KIAA1671: variants seen among roughly 807,000 people sequenced by gnomAD.
The protein encoded by KIAA1671 is KIAA1671, also known as uncharacterized protein KIAA1671.
KIAA1671 carries 52 observed loss-of-function variants against 131.2 expected under a neutral mutation model. That is an observed-to-expected ratio of 0.40 (90% confidence interval 0.32 to 0.50). The LOEUF (loss-of-function observed/expected upper bound fraction) is 0.50, where lower values mean the gene tolerates loss of function less well. Among genes scored for constraint, KIAA1671 ranks in the 20% least tolerant of loss-of-function variants. The pLI is 0.73. For missense variants in KIAA1671, 2,360 were observed against 2,364.2 expected, an observed-to-expected ratio of 1.00 and a Z score of 0.04; for synonymous variants, 1,003 against 961.6, an observed-to-expected ratio of 1.04 and a Z score of -0.80.
In KIAA1671 at chr22:25,133,958, G is replaced by C. The variant is rs147613063; in HGVS notation, c.4531-36862G>C. ...GATGCAAAGATACTGGCCTGAGAGG[G>C]CCTTGAGATTCCACAAGGGGAACTT... On this transcript the variant is annotated intron_variant, in intron 6 of 12. Transcript: ENST00000358431. Among the ~76,000 whole-genome samples, 385 of 152,326 alleles carry C rather than the reference G, an allele frequency of 2.5e-3. 2 individuals are homozygous for C. Among genetic ancestry groups the C allele is most frequent in the African/African-American group, 8.3e-3 (346 of 41,568 alleles).
intron 6 of KIAA1671, among the ~76,000 whole-genome samples, chr22:25,096,366 A>G (rs934565035): frequency 2.6e-5 from 4 of 152,116 alleles, no homozygotes; most frequent in East Asian, 1.9e-4. Flanking sequence ...CTGTTCACCA[A>G]AGTAGCTGAG....
chr22:25,019,795 A>AT (rs907953340), intron 1 of KIAA1671, among the ~76,000 whole-genome samples: 32 of 152,148 alleles, frequency 2.1e-4, no homozygotes, highest in Admixed American at 4.6e-4. Flanking sequence ...GAGTTTCCCT[A>AT]TTATAGTTAA....
intron 3 of KIAA1671, among the ~76,000 whole-genome samples, chr22:25,031,533 T>C (rs1458418847): frequency 5.3e-5 from 8 of 152,244 alleles, no homozygotes; most frequent in African/African-American, 1.9e-4. Context: ...GGTTTCACCA[T>C]GTTAGTCAGG....
chr22:25,038,747 T>C lies in KIAA1671; in HGVS notation c.1630-13T>C. 6.6e-7 allele frequency: 1 copy of C among 1,517,688 alleles called. No homozygotes were observed. Among genetic ancestry groups the C allele is most frequent in the South Asian group, 1.2e-5 (1 of 81,682 alleles). 94.0% of individuals were successfully genotyped at this position (1,517,688 alleles called of 1,614,324 possible). ...ACACTGAGGTGTTTCTTTTTCTTTT[T>C]GTTTCTTTCCAGCAAAAGGAGGGGC... On this transcript the variant is annotated splice_polypyrimidine_tract_variant and intron_variant, in intron 4 of 12. Coordinates refer to ENST00000358431, the MANE Select transcript of KIAA1671 (RefSeq NM_001145206.2).
intron 6 of KIAA1671, among the ~76,000 whole-genome samples, chr22:25,096,944 T>C (rs191768704): frequency 3.3e-4 from 50 of 152,220 alleles, no homozygotes; most frequent in Non-Finnish European, 5.7e-4. Flanking sequence ...GAGGCACATA[T>C]CAATAACTCG....
Position 25,100,991 on chromosome 22 carries a change from A to T in KIAA1671, c.4530+51627A>T, listed in dbSNP as rs139695311. 6.9e-3 allele frequency among the ~76,000 whole-genome samples: 1,045 copies of T among 152,352 alleles called. 16 individuals carry two copies. The highest frequency in any genetic ancestry group is 0.024 in the African/African-American group (989 of 41,578). On this transcript the variant is annotated intron_variant, in intron 6 of 12. Coordinates refer to ENST00000358431, the MANE Select transcript of KIAA1671 (RefSeq NM_001145206.2). Reference sequence around the variant, plus strand: ...AGTAAAGCAAACTCACTGGTCAGAAATACATTGCTTAGGGGAGGTCATGTG... The same window carrying T: ...AGTAAAGCAAACTCACTGGTCAGAATTACATTGCTTAGGGGAGGTCATGTG...
intron 1 of KIAA1671, among the ~76,000 whole-genome samples, chr22:24,977,018 G>A (rs545697532): frequency 1.3e-5 from 2 of 152,266 alleles, no homozygotes; most frequent in South Asian, 4.1e-4. Context: ...CAGTTTCCCT[G>A]TCTGTGCAAT....
At position 25,135,376 on chromosome 22, in the gene KIAA1671, C is replaced by T. The variant is rs533802254; in HGVS notation, c.4531-35444C>T. On this transcript the variant is annotated intron_variant, in intron 6 of 12. Coordinates refer to ENST00000358431, the MANE Select transcript of KIAA1671 (RefSeq NM_001145206.2). ...AATTTTTTGTATTTTTTAGTAGAGA[C>T]GGGGTTTCACTGTGTTAGCCAGGAT... is the stretch of plus-strand genomic sequence containing the variant. Among the ~76,000 whole-genome samples the T allele has an allele frequency of 1.0e-3, 156 of 152,194 alleles. 1 individual carries two copies. Among genetic ancestry groups the T allele is most frequent in the African/African-American group, 3.5e-3 (146 of 41,538 alleles).
chr22:25,039,563 G>A lies in KIAA1671; in HGVS notation c.2433G>A (p.Pro811=), dbSNP rs1926801151. Residue 811 remains proline, a synonymous_variant, in exon 5 of 13, where the codon CCG becomes CCA. Transcript: ENST00000358431. The part of the protein sequence containing the change: ...EARGMPEASG[P]KFGGNCPFPK... ...GAGGCATGCCTGAGGCTAGTGGACC[G>A]AAGTTTGGGGGCAATTGCCCGTTTC... The A allele has an allele frequency of 3.2e-6, 5 of 1,551,772 alleles. No individual in the cohort carries two copies. The highest frequency in any genetic ancestry group is 4.4e-6 in the Non-Finnish European group (5 of 1,147,010).
chr22:25,001,634 A>G (rs1235881439), intron 1 of KIAA1671, among the ~76,000 whole-genome samples: 1 of 152,114 alleles, frequency 6.6e-6, no homozygotes, highest in Non-Finnish European at 1.5e-5. Flanking sequence ...GGCAGATTGA[A>G]TAGGATTAGA....
chr22:25,148,039 T>TC (rs1173227620), intron 6 of KIAA1671, among the ~76,000 whole-genome samples: 1 of 120,388 alleles, frequency 8.3e-6, no homozygotes, highest in Non-Finnish European at 1.6e-5. Context: ...CCTCTCTCCC[T>TC]CCCTCTCTCT....
chr22:25,071,669 T>C (rs1020691815), intron 6 of KIAA1671, among the ~76,000 whole-genome samples: 1 of 151,060 alleles, frequency 6.6e-6, no homozygotes, highest in African/African-American at 2.4e-5. Context: ...TGGCTGCGTG[T>C]TGGGCTCTGG....
chr22:24,983,829 A>T (rs771010221), intron 1 of KIAA1671, among the ~76,000 whole-genome samples: 31 of 136,730 alleles, frequency 2.3e-4, no homozygotes, highest in Non-Finnish European at 4.1e-4. Context: ...CCCAGGCTGG[A>T]GTGCAATGGT....
At chr22:25,180,910 A>G (rs1449199254) in intron 9 of KIAA1671, among the ~76,000 whole-genome samples, 1 of 152,140 alleles carries the variant, frequency 6.6e-6, no homozygotes, top group East Asian at 1.9e-4. Context: ...AAAGCACACA[A>G]ATACCCCCAG....
Position 25,041,136 on chromosome 22 carries a change from C to T in KIAA1671, c.4006C>T (p.His1336Tyr), listed in dbSNP as rs1926901971. 6.4e-7 allele frequency: 1 copy of T among 1,550,852 alleles called. No individual in the cohort carries two copies. The highest frequency in any genetic ancestry group is 8.7e-7 in the Non-Finnish European group (1 of 1,146,502). Residue 1336 changes from histidine to tyrosine, a missense_variant, in exon 5 of 13, where the codon CAT (histidine) becomes TAT (tyrosine). His to Tyr is a moderately conservative substitution (Grantham distance 83). Coordinates refer to ENST00000358431, the MANE Select transcript of KIAA1671 (RefSeq NM_001145206.2). The part of the protein sequence containing the change: ...EDDRKAFASK[H>Y]HVAKCQNYLA... ...TGACAGAAAGGCCTTTGCCAGTAAACATCATGTTGCAAAGTGTCAGAATTA... is the reference window on the plus strand; with the variant it reads ...TGACAGAAAGGCCTTTGCCAGTAAATATCATGTTGCAAAGTGTCAGAATTA...
chr22:25,176,583 G>T (rs1934035441), intron 8 of KIAA1671: 1 of 152,234 alleles, frequency 6.6e-6, no homozygotes, highest in Non-Finnish European at 1.5e-5. Flanking sequence ...GAGAAGTGAA[G>T]CTCATTGCCC....
intron 1 of KIAA1671, among the ~76,000 whole-genome samples, chr22:24,987,396 C>T (rs948499591): frequency 6.6e-6 from 1 of 151,978 alleles, no homozygotes; most frequent in Non-Finnish European, 1.5e-5. Context: ...TGTTCTCGAT[C>T]TCCTGACCTC....
At chr22:25,015,864 A>G (rs1346334412) in intron 1 of KIAA1671, among the ~76,000 whole-genome samples, 10 of 152,148 alleles carry the variant, frequency 6.6e-5, no homozygotes, top group East Asian at 1.9e-4. Context: ...AGGAGTCAAG[A>G]CTTTGCTAAT....
At chr22:25,115,729 T>G (rs538571290) in intron 6 of KIAA1671, among the ~76,000 whole-genome samples, 1 of 152,270 alleles carries the variant, frequency 6.6e-6, no homozygotes, top group African/African-American at 2.4e-5. Context: ...TGCATATAAC[T>G]TGCATGTCTT....
Sources: allele counts gnomAD v4.1 joint callset (sites outside exome capture counted in the v4.1 genomes callset), GRCh38; gene constraint gnomAD v4.1.1; transcripts MANE v1.5; gene names NCBI Gene and HGNC (gene_info 2026-07-23, HGNC 2026-07-21).